Variants in GLG1 observed in about 807,000 individuals in gnomAD.
GLG1 encodes Golgi apparatus protein 1.
GLG1 carries 38 observed loss-of-function variants against 160.5 expected under a neutral mutation model. That is an observed-to-expected ratio of 0.24 (90% CI 0.18 to 0.31). The LOEUF is 0.31. Ranked by LOEUF, GLG1 falls within the 10% of genes least tolerant of loss-of-function variation. The probability of loss-of-function intolerance (pLI) is 1.00; values close to 1 mark genes in which losing one functional copy is unlikely to be tolerated. For missense variants in GLG1, 1,373 were observed against 1,505.2 expected (o/e 0.91, Z 1.45); for synonymous variants, 644 against 543.4 (o/e 1.19, Z -2.57).
In GLG1 at chr16:74,495,436, T is replaced by A. The variant is rs1288669419; in HGVS notation, c.979-605A>T. Among the ~76,000 whole-genome samples, 3 of 152,226 alleles carry A rather than the reference T, an allele frequency of 2.0e-5. No individual in the cohort carries two copies. In the East Asian group the frequency reaches 5.8e-4, roughly 29 times the overall value. Reference sequence around the variant, plus strand: ...GCCTCTGAGTCTTCTTTCTTACAAGTGTATGCTAGAGTTAACGAAACTCTT... The same window carrying A: ...GCCTCTGAGTCTTCTTTCTTACAAGAGTATGCTAGAGTTAACGAAACTCTT... On this transcript the variant is annotated intron_variant, in intron 5 of 25. Coordinates refer to ENST00000422840, the MANE Select transcript of GLG1 (RefSeq NM_001145667.2).
At chr16:74,522,317 G>C (rs2017191377) in intron 2 of GLG1, among the ~76,000 whole-genome samples, 1 of 152,204 alleles carries the variant, frequency 6.6e-6, no homozygotes, top group Non-Finnish European at 1.5e-5. Flanking sequence ...CATTTGCTAT[G>C]CTTTAGCTAA....
intron 1 of GLG1, among the ~76,000 whole-genome samples, chr16:74,604,795 A>T (rs935162129): frequency 1.3e-5 from 2 of 152,230 alleles, no homozygotes; most frequent in African/African-American, 4.8e-5. Flanking sequence ...TCACACCACT[A>T]ATCTCAGCAC....
chr16:74,454,778 T>C (rs1255211511), intron 25 of GLG1, among the ~76,000 whole-genome samples: 2 of 146,910 alleles, frequency 1.4e-5, no homozygotes, highest in Admixed American at 6.8e-5. Context: ...GTGATCCTCC[T>C]GCCTCGGTCT....
Position 74,480,394 on chromosome 16 carries a change from C to T in GLG1, c.1674G>A (p.Lys558=). ...ACTTGCGGTACAGGACAGGGTCCAG[C>T]CTATAAGGTTAAGAGTTAAAAGATA... ...ELQYFISRDW[K]LDPVLYRKCQ... is the part of the protein sequence containing the mutation. The change falls in exon 11 of 26, where the codon AAG becomes AAA. Residue 558 remains lysine (K), a splice_region_variant and synonymous_variant. Coordinates refer to ENST00000422840, the MANE Select transcript of GLG1 (RefSeq NM_001145667.2). The T allele has an allele frequency of 3.7e-6, 6 of 1,605,370 alleles. No homozygotes were observed. Among genetic ancestry groups the T allele is most frequent in the Non-Finnish European group, 5.1e-6 (6 of 1,176,336 alleles).
chr16:74,485,670 G>A (rs2015763298), intron 9 of GLG1, 126 bp downstream of exon 9: 1 of 790,476 alleles, frequency 1.3e-6, no homozygotes, highest in Non-Finnish European at 2.1e-6. Context: ...GTTGGTGTAT[G>A]TTCAACTTGT....
chr16:74,566,891 T>A (rs117470220), intron 1 of GLG1, among the ~76,000 whole-genome samples: 1 of 152,276 alleles, frequency 6.6e-6, no homozygotes, highest in East Asian at 1.9e-4. Flanking sequence ...ACAACAGAAA[T>A]ATTTAAACAT....
At chr16:74,508,136 G>T (rs2016679876) in intron 3 of GLG1, among the ~76,000 whole-genome samples, 1 of 152,036 alleles carries the variant, frequency 6.6e-6, no homozygotes, top group South Asian at 2.1e-4. Context: ...TTCCTTAAGA[G>T]CTCTGAAGAA....
At chr16:74,470,279 C>T (rs2015150191) in intron 15 of GLG1, among the ~76,000 whole-genome samples, 1 of 150,954 alleles carries the variant, frequency 6.6e-6, no homozygotes, top group South Asian at 2.1e-4. Context: ...CTCCCTCCCT[C>T]CTTCCTTCCT....
rs767672328 is a variant in GLG1, at chr16:74,462,494, A to G, written c.2928T>C (p.Ala976=). The G allele has an allele frequency of 3.1e-6, 5 of 1,613,598 alleles. No individual in the cohort carries two copies. The highest frequency in any genetic ancestry group is 4.2e-6 in the Non-Finnish European group (5 of 1,179,502). ...AGAGCCCAGGCCAGTTTACCTGGTC[A>G]GCATATCTCAGCTTCAGGCAAGAGA... is the stretch of plus-strand genomic sequence containing the variant. ...QVISCLKLRY[A]DQRLSSDCED... The change falls in exon 21 of 26, where the codon GCT becomes GCC. Residue 976 remains alanine (A), a synonymous_variant. Transcript: ENST00000422840.
intron 16 of GLG1, 105 bp downstream of exon 16, chr16:74,469,880 C>A: frequency 1.3e-6 from 1 of 780,678 alleles, no homozygotes. Flanking sequence ...GCCTCCAGGG[C>A]TAACCCCACG....
chr16:74,542,718 GA>G (rs200699025), intron 1 of GLG1, among the ~76,000 whole-genome samples: 19,254 of 51,088 alleles, frequency 0.38, 5,974 homozygotes, highest in East Asian at 0.63. Flanking sequence ...GGGAAGAAGG[GA>G]AGGAAGGAAG....
At chr16:74,484,425 C>T (rs1301208392) in intron 9 of GLG1, among the ~76,000 whole-genome samples, 14 of 152,018 alleles carry the variant, frequency 9.2e-5, no homozygotes, top group African/African-American at 3.1e-4. Flanking sequence ...CTCAGACTCC[C>T]GAGTAACTGG....
At chr16:74,498,146 C>T (rs189958511) in intron 4 of GLG1, among the ~76,000 whole-genome samples, 1 of 151,808 alleles carries the variant, frequency 6.6e-6, no homozygotes, top group Non-Finnish European at 1.5e-5. Flanking sequence ...AAATATAGTG[C>T]TATTAGCCCG....
At chr16:74,475,887 T>C (rs1261429024) in intron 12 of GLG1, among the ~76,000 whole-genome samples, 1 of 152,110 alleles carries the variant, frequency 6.6e-6, no homozygotes, top group African/African-American at 2.4e-5. Context: ...AAACATCCTA[T>C]TAATAGAATC....
At chr16:74,601,604 C>A (rs559736602) in intron 1 of GLG1, among the ~76,000 whole-genome samples, 1 of 152,132 alleles carries the variant, frequency 6.6e-6, no homozygotes, top group Non-Finnish European at 1.5e-5. Flanking sequence ...TTCCAGTGTT[C>A]TAGTACAAAT....
At position 74,480,312 on chromosome 16, in the gene GLG1, A is replaced by G. The variant is rs761084200; in HGVS notation, c.1756T>C (p.Phe586Leu). 4.3e-6 allele frequency: 7 copies of G among 1,613,302 alleles called. No individual in the cohort carries two copies. The highest frequency in any genetic ancestry group is 2.7e-5 in the African/African-American group (2 of 74,916). ...HTHGWNETSE[F>L]MPQGAVFSCL... ...GAGAACACAGCTCCCTGAGGCATAA[A>G]TTCACTGGTCTCATTCCAACCGTGG... is the stretch of plus-strand genomic sequence containing the variant. Residue 586 changes from phenylalanine to leucine, a missense_variant, in exon 11 of 26, where the codon TTT (phenylalanine) becomes CTT (leucine). Phe to Leu is a conservative substitution (Grantham distance 22). Transcript: ENST00000422840.
intron 9 of GLG1, among the ~76,000 whole-genome samples, chr16:74,484,210 T>C (rs1390434031): frequency 1.3e-5 from 2 of 152,182 alleles, no homozygotes; most frequent in Non-Finnish European, 2.9e-5. Context: ...GCAGGAGTTC[T>C]TGCATAGCAG....
intron 1 of GLG1, among the ~76,000 whole-genome samples, 189 bp downstream of exon 1, chr16:74,606,468 G>C (rs543195321): frequency 5.9e-5 from 9 of 152,322 alleles, no homozygotes; most frequent in African/African-American, 1.9e-4. Context: ...AAGGGCGGGG[G>C]AAAGAAGGAG....
chr16:74,516,625 C>T (rs1302423523), intron 2 of GLG1, among the ~76,000 whole-genome samples: 6 of 152,184 alleles, frequency 3.9e-5, no homozygotes, highest in South Asian at 4.2e-4. Flanking sequence ...AATTGACACC[C>T]TAACATCATA....
Sources: gnomAD v4.1 joint callset for allele counts (sites outside exome capture counted in the v4.1 genomes callset) on GRCh38, gnomAD v4.1.1 for gene constraint, MANE v1.5 for transcripts, NCBI Gene and HGNC (gene_info 2026-07-23, HGNC 2026-07-21) for gene names.